Variants in TMEM61 observed in about 807,000 individuals in gnomAD.
TMEM61 encodes transmembrane protein 61.
Under a neutral mutation model 12.0 loss-of-function variants are expected in TMEM61, and 13 were observed. The observed-to-expected ratio is 1.08, with a 90% confidence interval of 0.70 to 1.72. The LOEUF (loss-of-function observed/expected upper bound fraction) is 1.72. TMEM61 is among the 40% of genes most tolerant of loss of function. TMEM61 has a pLI of 0.00. For synonymous variants in TMEM61, 109 were observed against 121.4 expected (o/e 0.90, Z 0.67); for missense variants, 249 against 276.9 (o/e 0.90, Z 0.71).
Position 54,991,922 on chromosome 1 carries a change from C to G in TMEM61, c.452C>G (p.Pro151Arg). ...GGGCCCCCAACACCACCTGCATACC[C>G]TACGGAGGAAGCCCTGGAGCCAAGT... Reference protein sequence around the residue: ...AEGPPTPPAYPTEEALEPSGS... With the variant: ...AEGPPTPPAYRTEEALEPSGS... Residue 151 changes from proline to arginine, a missense_variant, in exon 3 of 3, where the codon CCT becomes CGT. Coordinates refer to ENST00000371268, the MANE Select transcript of TMEM61 (RefSeq NM_182532.3). 1 of 1,614,192 alleles carries G rather than the reference C, an allele frequency of 6.2e-7. No homozygotes were observed. The highest frequency in any genetic ancestry group is 8.5e-7 in the Non-Finnish European group (1 of 1,180,034).
intron 1 of TMEM61, 32 bp from the exon 2 acceptor site, chr1:54,986,065 A>G (rs1259686448): frequency 7.8e-6 from 12 of 1,546,142 alleles, no homozygotes; most frequent in African/African-American, 6.8e-5. Context: ...CATATGGCCC[A>G]TTTCCTCTTC....
chr1:54,986,858 T>A (rs1308177600), intron 2 of TMEM61, among the ~76,000 whole-genome samples: 1 of 151,760 alleles, frequency 6.6e-6, no homozygotes, highest in Non-Finnish European at 1.5e-5. Flanking sequence ...TTTGAGTAGG[T>A]CATGCAATCC....
intron 2 of TMEM61, among the ~76,000 whole-genome samples, chr1:54,991,521 C>G (rs1243193155): frequency 1.3e-5 from 2 of 152,192 alleles, no homozygotes; most frequent in Non-Finnish European, 2.9e-5. Context: ...AGCAGCTACC[C>G]TCAGCCCCTG....
chr1:54,982,131 T>G (rs1382582681), intron 1 of TMEM61, among the ~76,000 whole-genome samples: 1 of 152,166 alleles, frequency 6.6e-6, no homozygotes, highest in Non-Finnish European at 1.5e-5. Flanking sequence ...GGCAGGGATT[T>G]GAACTCAGAG....
intron 2 of TMEM61, among the ~76,000 whole-genome samples, chr1:54,987,778 A>G (rs1214289841): frequency 6.6e-6 from 1 of 152,170 alleles, no homozygotes; most frequent in Non-Finnish European, 1.5e-5. Flanking sequence ...TCTTCCTCCC[A>G]CGTCAGTCCT....
intron 1 of TMEM61, among the ~76,000 whole-genome samples, chr1:54,982,812 C>T (rs1320829000): frequency 6.6e-6 from 1 of 152,206 alleles, no homozygotes; most frequent in Non-Finnish European, 1.5e-5. Flanking sequence ...CCAGCAGTAA[C>T]CCTAGTGGAC....
intron 2 of TMEM61, among the ~76,000 whole-genome samples, chr1:54,990,671 C>T (rs1224103426): frequency 1.3e-5 from 2 of 152,138 alleles, no homozygotes; most frequent in Non-Finnish European, 2.9e-5. Flanking sequence ...GTGGGGCCTG[C>T]CATCTTGAGG....
rs1644305642 is a variant in TMEM61 at position 54,992,242 on chromosome 1, A to G, written c.*139A>G. 1.9e-6 allele frequency: 2 copies of G among 1,037,926 alleles called. No homozygotes were observed. The highest frequency in any genetic ancestry group is 2.8e-6 in the Non-Finnish European group (2 of 722,528). The allele number at this position is 1,037,926 out of a possible 1,614,324, so 64.3% of individuals were successfully genotyped here. On this transcript the variant is annotated 3_prime_UTR_variant, in exon 3 of 3. Coordinates refer to ENST00000371268, the MANE Select transcript of TMEM61 (RefSeq NM_182532.3). The stretch of plus-strand genomic sequence containing the variant: ...TCTATTTATCTATTGCTGTATAACA[A>G]ACCACCCCAGAATTTAGTGGCTTAA...
Position 54,991,874 on chromosome 1 carries a change from C to T in TMEM61, c.404C>T (p.Ala135Val). The T allele has an allele frequency of 6.2e-7, 1 of 1,614,136 alleles. No individual in the cohort carries two copies. The highest frequency in any genetic ancestry group is 8.5e-7 in the Non-Finnish European group (1 of 1,180,010). ...KVVDIPTYEEAVSFPVAEGPP... is the reference protein window; with the variant it reads ...KVVDIPTYEEVVSFPVAEGPP... ...GTTGACATCCCCACTTACGAGGAAGCCGTGAGCTTCCCAGTGGCCGAGGGG... is the reference window on the plus strand; with the variant it reads ...GTTGACATCCCCACTTACGAGGAAGTCGTGAGCTTCCCAGTGGCCGAGGGG... The change falls in exon 3 of 3, where the codon GCC becomes GTC. Residue 135 changes from alanine (A) to valine (V), a missense_variant. Coordinates refer to ENST00000371268, the MANE Select transcript of TMEM61 (RefSeq NM_182532.3).
intron 1 of TMEM61, among the ~76,000 whole-genome samples, chr1:54,982,543 G>A (rs900365349): frequency 6.6e-6 from 1 of 151,908 alleles, no homozygotes; most frequent in Non-Finnish European, 1.5e-5. Flanking sequence ...GATCCACATG[G>A]AAGGAGCGAG....
chr1:54,985,365 T>C (rs995342798), intron 1 of TMEM61, among the ~76,000 whole-genome samples: 1 of 152,104 alleles, frequency 6.6e-6, no homozygotes, highest in Non-Finnish European at 1.5e-5. Context: ...GCCTCCCGAG[T>C]AGCTGGGATT....
chr1:54,988,147 A>G (rs2101636436), intron 2 of TMEM61, among the ~76,000 whole-genome samples: 1 of 152,388 alleles, frequency 6.6e-6, no homozygotes, highest in South Asian at 2.1e-4. Flanking sequence ...GGTCTCAGAA[A>G]GACCAAGTGA....
At chr1:54,987,900 C>A (rs566464233) in intron 2 of TMEM61, among the ~76,000 whole-genome samples, 7 of 152,282 alleles carry the variant, frequency 4.6e-5, no homozygotes, top group South Asian at 4.1e-4. Flanking sequence ...TTTTCCGAGT[C>A]GAAGAATGTA....
At chr1:54,981,287 C>T (rs1376755416) in intron 1 of TMEM61, among the ~76,000 whole-genome samples, 1 of 152,160 alleles carries the variant, frequency 6.6e-6, no homozygotes, top group Non-Finnish European at 1.5e-5. Context: ...AATTCTTGTT[C>T]GGACAGTTTC....
chr1:54,983,320 A>G (rs1427754648), intron 1 of TMEM61, among the ~76,000 whole-genome samples: 1 of 151,552 alleles, frequency 6.6e-6, no homozygotes, highest in Non-Finnish European at 1.5e-5. Context: ...CGGGGGTTTC[A>G]CCATATTGCC....
intron 1 of TMEM61, among the ~76,000 whole-genome samples, chr1:54,985,576 C>T (rs976338796): frequency 5.3e-5 from 8 of 152,156 alleles, no homozygotes; most frequent in Admixed American, 3.9e-4. Flanking sequence ...CTCTATGTTG[C>T]GAATTTCGGC....
chr1:54,988,103 A>G (rs1644272625), intron 2 of TMEM61, among the ~76,000 whole-genome samples: 2 of 152,242 alleles, frequency 1.3e-5, no homozygotes, highest in South Asian at 4.1e-4. Flanking sequence ...GGGACTCTCC[A>G]GCCAAACCCT....
At chr1:54,981,146 C>T (rs1051010732) in intron 1 of TMEM61, 66 bp downstream of exon 1, 35 of 1,528,514 alleles carry the variant, frequency 2.3e-5, no homozygotes, top group Non-Finnish European at 2.5e-5. Flanking sequence ...GACCTTGCCC[C>T]GACCCCTTCC....
intron 1 of TMEM61, among the ~76,000 whole-genome samples, chr1:54,984,366 G>A (rs1644244363): frequency 6.6e-6 from 1 of 152,218 alleles, no homozygotes; most frequent in South Asian, 2.1e-4. Flanking sequence ...CTCCTAGAGA[G>A]CCTGCCTTTT....
Sources: gnomAD v4.1 joint callset for allele counts (sites outside exome capture counted in the v4.1 genomes callset) on GRCh38, gnomAD v4.1.1 for gene constraint, MANE v1.5 for transcripts, NCBI Gene and HGNC (gene_info 2026-07-23, HGNC 2026-07-21) for gene names.